Variants in CNTN6 observed in about 807,000 individuals in gnomAD.
The protein encoded by CNTN6 is contactin-6.
In CNTN6, 137 loss-of-function variants were observed where a neutral mutation model predicts 122.8. That is an observed-to-expected ratio of 1.12 (90% CI 0.97 to 1.29). The LOEUF is 1.29. CNTN6 is among the 50% of genes most tolerant of loss of function. The pLI, the probability that CNTN6 is intolerant of heterozygous loss-of-function variation, is 0.00. For missense variants in CNTN6, 1,634 were observed against 1,223.4 expected, an observed-to-expected ratio of 1.34 and a Z score of -5.01; for synonymous variants, 570 against 426.0, an observed-to-expected ratio of 1.34 and a Z score of -4.16.
At chr3:1,361,630 C>T (rs2126105605) in intron 12 of CNTN6, among the ~76,000 whole-genome samples, 1 of 152,108 alleles carries the variant, frequency 6.6e-6, no homozygotes, top group South Asian at 2.1e-4. Flanking sequence ...AATATTTTTA[C>T]CAATACACTT....
chr3:1,139,794 A>T (rs1466646976), intron 1 of CNTN6, among the ~76,000 whole-genome samples: 3 of 152,168 alleles, frequency 2.0e-5, no homozygotes, highest in African/African-American at 7.2e-5. Context: ...AAGCAGCTGG[A>T]TTGGTTACAG....
chr3:1,186,439 G>GAA (rs560476173), intron 2 of CNTN6, among the ~76,000 whole-genome samples: 1,715 of 147,080 alleles, frequency 0.012, 26 homozygotes, highest in African/African-American at 0.039. Flanking sequence ...AAACTTTCAG[G>GAA]AAAAAAAAAA....
rs1189258077 is a variant in CNTN6 at position 1,095,087 on chromosome 3, C to T, written c.-83+1967C>T. Among the ~76,000 whole-genome samples, 3 of 151,730 alleles carry T rather than the reference C, an allele frequency of 2.0e-5. No homozygotes were observed. In the South Asian group the frequency reaches 6.2e-4, roughly 32 times the overall value. ...GTAAGAATGGTTTCTTACTATACACCTTTTAAAAAATAAATAATAAATATT... is the reference window on the plus strand; with the variant it reads ...GTAAGAATGGTTTCTTACTATACACTTTTTAAAAAATAAATAATAAATATT... On this transcript the variant is annotated intron_variant, in intron 1 of 22. Transcript: ENST00000446702.
At chr3:1,213,567 A>G (rs1040363253) in intron 2 of CNTN6, among the ~76,000 whole-genome samples, 3 of 151,914 alleles carry the variant, frequency 2.0e-5, no homozygotes. Context: ...ATCTCCAATA[A>G]AACTTTCTCT....
At chr3:1,263,854 G>A (rs1215897201) in intron 4 of CNTN6, among the ~76,000 whole-genome samples, 1 of 151,674 alleles carries the variant, frequency 6.6e-6, no homozygotes, top group Non-Finnish European at 1.5e-5. Context: ...AGAGTGATAG[G>A]GAACTGCTAC....
intron 17 of CNTN6, among the ~76,000 whole-genome samples, chr3:1,381,901 TA>T (rs1225631037): frequency 6.6e-6 from 1 of 152,110 alleles, no homozygotes; most frequent in Non-Finnish European, 1.5e-5. Flanking sequence ...CCCTCATAGA[TA>T]CTCACCAAGA....
chr3:1,172,620 CTGTGTGTGTGTG>C (rs3836248), intron 2 of CNTN6, among the ~76,000 whole-genome samples: 54,166 of 150,220 alleles, frequency 0.36, 10,279 homozygotes, highest in East Asian at 0.76. Context: ...CAATAACTCT[CTGTGTGTGTGTG>C]TGTGTGTGTG....
chr3:1,313,163 G>GTA (rs1699632731), intron 7 of CNTN6, among the ~76,000 whole-genome samples: 1 of 152,020 alleles, frequency 6.6e-6, no homozygotes, highest in Non-Finnish European at 1.5e-5. Context: ...AGCAGCAGAG[G>GTA]TATTTATCGA....
intron 7 of CNTN6, among the ~76,000 whole-genome samples, chr3:1,310,548 T>C (rs987386165): frequency 4.6e-5 from 7 of 152,212 alleles, no homozygotes; most frequent in Admixed American, 6.5e-5. Flanking sequence ...CCATTTGTAT[T>C]AATGAAAGAT....
intron 1 of CNTN6, among the ~76,000 whole-genome samples, chr3:1,114,955 C>G (rs2091649834): frequency 1.3e-5 from 2 of 152,160 alleles, no homozygotes; most frequent in South Asian, 4.1e-4. Flanking sequence ...ATGCTTAAAC[C>G]TAAAATAGAG....
intron 2 of CNTN6, among the ~76,000 whole-genome samples, chr3:1,202,336 C>T (rs753622642): frequency 2.6e-5 from 4 of 152,066 alleles, no homozygotes; most frequent in Non-Finnish European, 5.9e-5. Flanking sequence ...CTCAGGATAT[C>T]AAGACCATCC....
chr3:1,233,602 G>A (rs2094382546), intron 4 of CNTN6, among the ~76,000 whole-genome samples: 2 of 151,698 alleles, frequency 1.3e-5, no homozygotes, highest in South Asian at 4.2e-4. Context: ...GGGTGTGGTG[G>A]TGTGCACCTG....
rs1709253133 is a variant in CNTN6 at position 1,372,845 on chromosome 3, T to G, written c.1676T>G (p.Val559Gly). 5.7e-6 allele frequency: 9 copies of G among 1,588,568 alleles called. No individual in the cohort carries two copies. The highest frequency in any genetic ancestry group is 1.7e-4 in the Middle Eastern group (1 of 5,992). The change falls in exon 14 of 23, where the codon GTT becomes GGT. Residue 559 changes from valine to glycine, a missense_variant. By Grantham distance (109) the Val-to-Gly change is moderately radical. Transcript: ENST00000446702. Reference protein sequence around the residue: ...AHFERIGGESVGDLMIRNIQL... With the variant: ...AHFERIGGESGGDLMIRNIQL... The stretch of plus-strand genomic sequence containing the variant: ...CTCCCTTTCTGTCTGCAGGAATCTG[T>G]TGGGGATTTGATGATAAGGAATATT...
chr3:1,116,389 A>G (rs1228943308), intron 1 of CNTN6, among the ~76,000 whole-genome samples: 1 of 151,884 alleles, frequency 6.6e-6, no homozygotes, highest in African/African-American at 2.4e-5. Flanking sequence ...TAGCAAAAAC[A>G]AACAAACAAA....
At chr3:1,134,602 T>C (rs1395791126) in intron 1 of CNTN6, among the ~76,000 whole-genome samples, 1 of 152,182 alleles carries the variant, frequency 6.6e-6, no homozygotes, top group East Asian at 1.9e-4. Context: ...AAAATGATGC[T>C]TTTAAAAGAA....
chr3:1,373,981 G>T lies in CNTN6; in HGVS notation c.2003G>T (p.Trp668Leu), dbSNP rs1366581527. ...GCAACAGTGGTTGGTTTGAGTCCTT[G>T]GGTGGAATATGAATTTCGTGTTGTT... ...YNATVVGLSPWVEYEFRVVAG... is the reference protein window; with the variant it reads ...YNATVVGLSPLVEYEFRVVAG... The change falls in exon 16 of 23, where the codon TGG becomes TTG. Residue 668 changes from tryptophan to leucine, a missense_variant. Physicochemically the swap from Trp to Leu is moderately conservative, Grantham distance 61. Transcript: ENST00000446702. 1 of 1,613,134 alleles carries T rather than the reference G, an allele frequency of 6.2e-7. No individual in the cohort carries two copies. Among genetic ancestry groups the T allele is most frequent in the East Asian group, 2.2e-5 (1 of 44,848 alleles).
intron 4 of CNTN6, among the ~76,000 whole-genome samples, chr3:1,240,278 G>A (rs2094465762): frequency 1.3e-5 from 2 of 151,994 alleles, no homozygotes; most frequent in Non-Finnish European, 2.9e-5. Context: ...TTTATCCAAC[G>A]AATGACTGAT....
chr3:1,372,229 A>T, intron 12 of CNTN6, 70 bp from the exon 13 acceptor site: 1 of 1,203,658 alleles, frequency 8.3e-7, no homozygotes. Flanking sequence ...TAAAGTATTC[A>T]GAAATATGTA....
At chr3:1,324,236 C>G (rs114441559) in intron 8 of CNTN6, among the ~76,000 whole-genome samples, 1,935 of 149,188 alleles carry the variant, frequency 0.013, 230 homozygotes, top group African/African-American at 0.048. Flanking sequence ...ATTTCTTTTA[C>G]TCGTTTGTAG....
Sources: gnomAD v4.1 joint callset for allele counts (sites outside exome capture counted in the v4.1 genomes callset) on GRCh38, gnomAD v4.1.1 for gene constraint, MANE v1.5 for transcripts, NCBI Gene and HGNC (gene_info 2026-07-23, HGNC 2026-07-21) for gene names.